Variants in DNAH10 observed in about 807,000 individuals in gnomAD.
DNAH10 encodes the protein dynein axonemal heavy chain 10.
A neutral mutation model predicts 506.6 loss-of-function variants in DNAH10; 348 were observed. That is an observed-to-expected ratio of 0.69 (90% CI 0.63 to 0.75). DNAH10 has a LOEUF of 0.75. DNAH10 is among the 30% of genes least tolerant of loss of function. DNAH10 has a pLI of 0.00. For missense variants in DNAH10, 5,179 were observed against 5,787.1 expected, an observed-to-expected ratio of 0.89 and a Z score of 3.41; for synonymous variants, 2,059 against 2,198.6, an observed-to-expected ratio of 0.94 and a Z score of 1.78.
intron 51 of DNAH10, among the ~76,000 whole-genome samples, chr12:123,886,481 G>A (rs964887402): frequency 7.8e-5 from 3 of 38,332 alleles, no homozygotes; most frequent in Admixed American, 2.2e-4. Flanking sequence ...GCGCGCGCGC[G>A]TGTGTGTGCA....
chr12:123,918,688 C>G lies in DNAH10; in HGVS notation c.11245C>G (p.Leu3749Val), dbSNP rs1040209898. 3 of 1,554,230 alleles carry G rather than the reference C, an allele frequency of 1.9e-6. No individual in the cohort carries two copies. Among genetic ancestry groups the G allele is most frequent in the Admixed American group, 1.9e-5 (1 of 53,056 alleles). Residue 3749 changes from leucine (L) to valine (V), a missense_variant, in exon 65 of 79, where the codon CTC (leucine) becomes GTC (valine). By Grantham distance (32) the Leu-to-Val change is conservative. This residue lies in a region of DNAH10 where 4,844 missense variants were observed against 5,430.5 expected (regional missense o/e 0.89). Transcript: ENST00000673944. ...TGCTTTTCTTCAGGTCTCAGAGAAA[C>G]TCAAGCTGGCGGAGAAGACAGCCTT... ...KSKATEVSEK[L>V]KLAEKTALDI...
chr12:123,870,322 TC>T, intron 43 of DNAH10, 43 bp from the exon 44 acceptor site: 1 of 1,593,116 alleles, frequency 6.3e-7, no homozygotes. Context: ...CTTTTGTATT[TC>T]CGTGTTTATG....
chr12:123,929,506 T>G, intron 71 of DNAH10, 22 bp downstream of exon 71: 2 of 1,608,082 alleles, frequency 1.2e-6, no homozygotes, highest in Non-Finnish European at 1.7e-6. Context: ...TGCTTCTCCT[T>G]GGAAATGGCT....
intron 56 of DNAH10, among the ~76,000 whole-genome samples, chr12:123,901,952 TG>T (rs1953543637): frequency 6.6e-6 from 1 of 152,194 alleles, no homozygotes. Flanking sequence ...TGAGCCACCA[TG>T]CCTGGCCAAC....
chr12:123,809,355 T>A (rs935746845), intron 19 of DNAH10, among the ~76,000 whole-genome samples: 1 of 151,896 alleles, frequency 6.6e-6, no homozygotes, highest in Non-Finnish European at 1.5e-5. Flanking sequence ...CTTAAACAAA[T>A]ACAAATCAGG....
intron 50 of DNAH10, 96 bp downstream of exon 50, chr12:123,879,897 C>A: frequency 7.3e-7 from 1 of 1,376,122 alleles, no homozygotes; most frequent in Non-Finnish European, 9.9e-7. Context: ...GAGCCTATCA[C>A]CTGGGGCTCT....
In DNAH10 at chr12:123,879,769, C is replaced by T; in HGVS notation, c.8602C>T (p.Gln2868Ter). 1 of 1,613,970 alleles carries T rather than the reference C, an allele frequency of 6.2e-7. No individual in the cohort carries two copies. The highest frequency in any genetic ancestry group is 8.5e-7 in the Non-Finnish European group (1 of 1,179,890). Residue 2868 changes from glutamine to a stop codon, truncating the protein, a stop_gained, in exon 50 of 79, where the codon CAG (glutamine) becomes TAG (stop). Coordinates refer to ENST00000673944, the MANE Select transcript of DNAH10 (RefSeq NM_001372106.1). LOFTEE classifies it high-confidence loss of function. Reference protein sequence around the residue: ...EGEPRIYEDIQDYEAAKALFQ... With the variant: ...EGEPRIYEDI ...AGAACCACGCATTTATGAAGACATC[C>T]AGGACTACGAGGCGGCCAAGGCTCT...
intron 5 of DNAH10, among the ~76,000 whole-genome samples, chr12:123,777,023 T>A (rs926562636): frequency 6.6e-6 from 1 of 152,060 alleles, no homozygotes; most frequent in African/African-American, 2.4e-5. Flanking sequence ...GCTTTTGCAA[T>A]TTTAGATAGG....
In DNAH10 at chr12:123,850,493, C is replaced by T. The variant is rs1227292291; in HGVS notation, c.6103-395C>T. ...TGGGCGCTCCCAACCTGGGCTGTCT[C>T]CTTTCATCGCCACAGCCGTGCCACG... is the stretch of plus-strand genomic sequence containing the variant. On this transcript the variant is annotated intron_variant, in intron 34 of 78. Transcript: ENST00000673944. The surrounding 1 kb of genome is among the most constrained non-coding windows in gnomAD (Gnocchi z 5.5). Among the ~76,000 whole-genome samples the T allele has an allele frequency of 1.3e-5, 2 of 152,186 alleles. No homozygotes were observed. Among genetic ancestry groups the T allele is most frequent in the African/African-American group, 4.8e-5 (2 of 41,446 alleles).
Position 123,830,550 on chromosome 12 carries a change from T to A in DNAH10, c.4396T>A (p.Trp1466Arg). 3 of 1,612,750 alleles carry A rather than the reference T, an allele frequency of 1.9e-6. No individual in the cohort carries two copies. ...LKNEALRDRHWKELMEKTSVF... is the reference protein window; with the variant it reads ...LKNEALRDRHRKELMEKTSVF... ...TGAATGCTGATGTGCTTTCAGGCAT[T>A]GGAAAGAACTTATGGAAAAAACGTC... Residue 1466 changes from tryptophan to arginine, a missense_variant, in exon 26 of 79, where the codon TGG (tryptophan) becomes AGG (arginine). Physicochemically the swap from Trp to Arg is moderately radical, Grantham distance 101 (BLOSUM62 -3). Transcript: ENST00000673944.
At chr12:123,794,866 G>A (rs1305115163) in intron 12 of DNAH10, among the ~76,000 whole-genome samples, 1 of 145,648 alleles carries the variant, frequency 6.9e-6, no homozygotes, top group Non-Finnish European at 1.5e-5. Context: ...AAAAAATGCT[G>A]GCCAGTCGCT....
Position 123,928,745 on chromosome 12 carries a change from CT to C in DNAH10, c.12306+161del. 3.6e-6 allele frequency: 3 copies of C among 829,972 alleles called. No individual in the cohort carries two copies. Among genetic ancestry groups the C allele is most frequent in the Non-Finnish European group, 5.5e-6 (3 of 546,214 alleles). The allele number at this position is 829,972 out of a possible 1,614,324, so 51.4% of individuals were successfully genotyped here. ...AAACCCTTCTCAATCCCACCTCTCT[CT>C]TTAGAGGGAGCCGCTGTCCTGGGTT... On this transcript the variant is annotated intron_variant, in intron 70 of 78. Transcript: ENST00000673944. This position sits in a 1 kb window ranked among gnomAD's most constrained non-coding sequence, Gnocchi z 4.9.
intron 1 of DNAH10, among the ~76,000 whole-genome samples, chr12:123,766,052 A>G (rs1190121842): frequency 6.6e-6 from 1 of 151,968 alleles, no homozygotes; most frequent in Non-Finnish European, 1.5e-5. Context: ...ACATCTATCT[A>G]CACATCTGTT....
In DNAH10 at chr12:123,934,226, T is replaced by A. The variant is rs550301614; in HGVS notation, c.13478-395T>A. On this transcript the variant is annotated intron_variant, in intron 77 of 78. Coordinates refer to ENST00000673944, the MANE Select transcript of DNAH10 (RefSeq NM_001372106.1). ...TCTCTGTGAGGCTTCGACTTCCTGC[T>A]CCCCAGCCACTTCGGCTCACAGGGT... 1.1e-5 allele frequency: 8 copies of A among 701,396 alleles called. No homozygotes were observed. The South Asian group carries it at 1.2e-4, about 10-fold the overall frequency. 43.4% of individuals were successfully genotyped at this position (701,396 alleles called of 1,614,324 possible). A position where few individuals can be genotyped will look rare whatever the true frequency, so the allele number is the denominator to read the frequency against.
intron 16 of DNAH10, among the ~76,000 whole-genome samples, chr12:123,802,205 G>T (rs1400559481): frequency 2.0e-5 from 3 of 152,214 alleles, no homozygotes; most frequent in Non-Finnish European, 4.4e-5. Flanking sequence ...AAACATTTGT[G>T]TACAGGGTTT....
At chr12:123,810,688 G>A (rs374816351) in intron 19 of DNAH10, among the ~76,000 whole-genome samples, 8 of 151,158 alleles carry the variant, frequency 5.3e-5, no homozygotes, top group Admixed American at 2.0e-4. Flanking sequence ...GTGAGACTCC[G>A]TCTCAAAAAA....
intron 76 of DNAH10, chr12:123,932,473 G>T: frequency 1.0e-5 from 2 of 195,822 alleles, no homozygotes; most frequent in South Asian, 1.7e-4. Flanking sequence ...ACATTTCGGT[G>T]GTTACCATTT....
intron 13 of DNAH10, among the ~76,000 whole-genome samples, chr12:123,797,983 C>G (rs1208437056): frequency 6.6e-6 from 1 of 152,238 alleles, no homozygotes; most frequent in Non-Finnish European, 1.5e-5. Flanking sequence ...ACGTTTTGAA[C>G]AGGCGTGGCT....
chr12:123,847,308 T>TTATC (rs71308008), intron 32 of DNAH10, among the ~76,000 whole-genome samples: 19,934 of 148,958 alleles, frequency 0.13, 1,549 homozygotes, highest in Non-Finnish European at 0.18. Flanking sequence ...ATCATCTATT[T>TTATC]TATCTATCTA....
Sources: gnomAD v4.1 joint callset for allele counts (sites outside exome capture counted in the v4.1 genomes callset) on GRCh38, gnomAD v4.1.1 for gene constraint, gnomAD v4.1.1 regional missense constraint, Gnocchi (gnomAD v3.1) non-coding constraint, MANE v1.5 for transcripts, NCBI Gene and HGNC (gene_info 2026-07-23, HGNC 2026-07-21) for gene names.